Variants in ADGRL2 observed in about 807,000 individuals in gnomAD.
ADGRL2 encodes adhesion G protein-coupled receptor L2.
In ADGRL2, 44 loss-of-function variants were observed where a neutral mutation model predicts 157.4. The observed-to-expected ratio is 0.28, with a 90% CI of 0.22 to 0.36. The LOEUF (loss-of-function observed/expected upper bound fraction) is 0.36, where lower values mean the gene tolerates loss of function less well. Among genes scored for constraint, ADGRL2 ranks in the 10% least tolerant of loss-of-function variants. ADGRL2 has a pLI of 1.00. For missense variants in ADGRL2, 1,510 were observed against 1,768.9 expected (o/e 0.85, Z 2.63); for synonymous variants, 585 against 624.7 (o/e 0.94, Z 0.95).
chr1:81,498,955 A>T (rs2148000078), intron 2 of ADGRL2, among the ~76,000 whole-genome samples: 1 of 152,360 alleles, frequency 6.6e-6, no homozygotes, highest in Non-Finnish European at 1.5e-5. Flanking sequence ...GTTCAAAAAT[A>T]GCTTCAGGCA....
chr1:81,391,920 C>A (rs973694106), intron 1 of ADGRL2, among the ~76,000 whole-genome samples: 1 of 152,094 alleles, frequency 6.6e-6, no homozygotes, highest in East Asian at 1.9e-4. Flanking sequence ...ATTATAAGTA[C>A]TTTACCTACT....
chr1:81,462,310 C>A (rs1287532095), intron 2 of ADGRL2, among the ~76,000 whole-genome samples: 2 of 152,178 alleles, frequency 1.3e-5, no homozygotes, highest in African/African-American at 4.8e-5. Flanking sequence ...TGCTCTGCTG[C>A]CCTTCTATGT....
chr1:81,390,298 G>A (rs1281806406), intron 1 of ADGRL2, among the ~76,000 whole-genome samples: 1 of 151,984 alleles, frequency 6.6e-6, no homozygotes, highest in Admixed American at 6.6e-5. Context: ...ACGTAAAAGA[G>A]TTATGAAAAC....
chr1:81,610,229 G>GTTTTTTTTTTT (rs10657640), intron 3 of ADGRL2, among the ~76,000 whole-genome samples: 1 of 127,392 alleles, frequency 7.8e-6, no homozygotes. Flanking sequence ...TGGCTTGGAG[G>GTTTTTTTTTTT]TTTTTTTTTT....
intron 2 of ADGRL2, among the ~76,000 whole-genome samples, chr1:81,843,703 C>T (rs1232733706): frequency 4.0e-5 from 6 of 151,836 alleles, no homozygotes; most frequent in East Asian, 1.9e-4. Flanking sequence ...TCAAAGTTGC[C>T]GAAAATAAAA....
intron 1 of ADGRL2, among the ~76,000 whole-genome samples, chr1:81,325,986 G>T (rs144332528): frequency 6.6e-6 from 1 of 152,240 alleles, no homozygotes; most frequent in African/African-American, 2.4e-5. Flanking sequence ...TTTCCCATTG[G>T]TAGTGCTTCA....
intron 1 of ADGRL2, among the ~76,000 whole-genome samples, chr1:81,805,274 G>A (rs996743431): frequency 7.9e-5 from 12 of 152,048 alleles, no homozygotes; most frequent in African/African-American, 2.9e-4. Context: ...GTGCAGATGG[G>A]TCAAGGGGGA....
chr1:81,414,666 T>C (rs1392807605), intron 1 of ADGRL2, among the ~76,000 whole-genome samples: 1 of 152,168 alleles, frequency 6.6e-6, no homozygotes, highest in Non-Finnish European at 1.5e-5. Flanking sequence ...AGGATATTAC[T>C]TTGCTTGAAG....
chr1:81,705,542 C>T (rs972582808), intron 1 of ADGRL2, among the ~76,000 whole-genome samples: 8 of 152,052 alleles, frequency 5.3e-5, no homozygotes, highest in Non-Finnish European at 7.4e-5. Flanking sequence ...GCCATGCGCC[C>T]GGCTGGGAGC....
intron 1 of ADGRL2, among the ~76,000 whole-genome samples, chr1:81,360,701 T>C (rs2075962354): frequency 6.6e-6 from 1 of 151,258 alleles, no homozygotes. Context: ...TCTGTAAATA[T>C]TTATTAAAGG....
At chr1:81,912,379 C>A (rs1370472295) in intron 3 of ADGRL2, among the ~76,000 whole-genome samples, 1 of 151,986 alleles carries the variant, frequency 6.6e-6, no homozygotes, top group African/African-American at 2.4e-5. Flanking sequence ...GCCTATGTTT[C>A]TTATTAAGTA....
At chr1:81,343,086 T>TA (rs1662197983) in intron 1 of ADGRL2, among the ~76,000 whole-genome samples, 1 of 105,146 alleles carries the variant, frequency 9.5e-6, no homozygotes. Context: ...TTTTCTTTTT[T>TA]CTTTTCTTTT....
chr1:81,696,505 C>T (rs1042767370), upstream of ADGRL2, among the ~76,000 whole-genome samples: 1 of 152,150 alleles, frequency 6.6e-6, no homozygotes, highest in African/African-American at 2.4e-5. Flanking sequence ...GTAATCCCAG[C>T]ACTTTGGGAG....
chr1:81,633,367 T>C (rs144758286), intron 3 of ADGRL2, among the ~76,000 whole-genome samples: 1,984 of 151,832 alleles, frequency 0.013, 17 homozygotes, highest in Middle Eastern at 0.031. Context: ...AGGCTGAGGC[T>C]GGCAGATCAC....
At chr1:81,417,404 T>C (rs2101504168) in intron 1 of ADGRL2, among the ~76,000 whole-genome samples, 1 of 152,176 alleles carries the variant, frequency 6.6e-6, no homozygotes, top group South Asian at 2.1e-4. Flanking sequence ...AATACTTTAT[T>C]TTATAATTTT....
At chr1:81,312,647 A>G (rs916731544) in intron 1 of ADGRL2, among the ~76,000 whole-genome samples, 5 of 152,124 alleles carry the variant, frequency 3.3e-5, no homozygotes, top group African/African-American at 9.7e-5. Flanking sequence ...GCCTTTAGCC[A>G]TTGAGATGTT....
intron 2 of ADGRL2, among the ~76,000 whole-genome samples, chr1:81,888,743 C>T (rs373266125): frequency 5.9e-5 from 9 of 152,218 alleles, no homozygotes; most frequent in African/African-American, 9.6e-5. Flanking sequence ...TGAACCACTG[C>T]GCCCGGCCTG....
intron 2 of ADGRL2, among the ~76,000 whole-genome samples, chr1:81,505,740 CAA>C (rs59062091): frequency 0.051 from 4,369 of 84,952 alleles, 84 homozygotes; most frequent in African/African-American, 0.12. Context: ...TGTCCTCCTG[CAA>C]AAAAAAAAAA....
At chr1:81,451,063 C>T (rs2077694714) in intron 2 of ADGRL2, among the ~76,000 whole-genome samples, 1 of 152,150 alleles carries the variant, frequency 6.6e-6, no homozygotes, top group African/African-American at 2.4e-5. Context: ...ATATAAGTCT[C>T]ACCTTGTTTT....
Sources: gnomAD v4.1 joint callset for allele counts (sites outside exome capture counted in the v4.1 genomes callset) on GRCh38, gnomAD v4.1.1 for gene constraint, MANE v1.5 for transcripts, NCBI Gene and HGNC (gene_info 2026-07-23, HGNC 2026-07-21) for gene names.